Variants in PGM2 observed in about 807,000 individuals in gnomAD.
PGM2 encodes the protein phosphopentomutase.
PGM2 carries 57 observed loss-of-function variants against 74.6 expected under a neutral mutation model. The ratio of observed to expected loss-of-function variants is 0.76; its 90% CI spans 0.62 to 0.95. The LOEUF is 0.95. Ranked by LOEUF, PGM2 falls within the 40% of genes least tolerant of loss-of-function variation. PGM2 has a pLI of 0.00. For missense variants in PGM2, 706 were observed against 741.9 expected (o/e 0.95, Z 0.56); for synonymous variants, 273 against 260.7 (o/e 1.05, Z -0.46).
At chr4:37,852,210 C>T (rs1726062362) in intron 12 of PGM2, among the ~76,000 whole-genome samples, 1 of 144,194 alleles carries the variant, frequency 6.9e-6, no homozygotes, top group Admixed American at 7.3e-5. Context: ...AAGTGATCCT[C>T]CTGCCTTAGC....
At chr4:37,854,791 T>A (rs1337870966) in intron 12 of PGM2, among the ~76,000 whole-genome samples, 3 of 152,144 alleles carry the variant, frequency 2.0e-5, no homozygotes, top group Non-Finnish European at 4.4e-5. Context: ...TTTAAGTCAA[T>A]ATCTTGTGAA....
intron 13 of PGM2, among the ~76,000 whole-genome samples, chr4:37,858,513 GT>G (rs34291894): frequency 1.4e-3 from 186 of 135,016 alleles, no homozygotes; most frequent in Non-Finnish European, 1.7e-3. Context: ...ATTTTTTGGT[GT>G]TTTTTTTTTT....
At chr4:37,848,098 A>G (rs993095508) in intron 10 of PGM2, among the ~76,000 whole-genome samples, 1 of 152,236 alleles carries the variant, frequency 6.6e-6, no homozygotes, top group Non-Finnish European at 1.5e-5. Flanking sequence ...AAAGAAATGG[A>G]TGGCACTGAC....
At chr4:37,840,770 GT>G (rs1725686847) in intron 6 of PGM2, among the ~76,000 whole-genome samples, 1 of 151,990 alleles carries the variant, frequency 6.6e-6, no homozygotes, top group Admixed American at 6.6e-5. Context: ...TGGCTTTGAG[GT>G]CCACACAGAC....
intron 13 of PGM2, among the ~76,000 whole-genome samples, chr4:37,858,579 G>A (rs1214767157): frequency 6.6e-6 from 1 of 151,288 alleles, no homozygotes; most frequent in Non-Finnish European, 1.5e-5. Flanking sequence ...CGAACTCCTG[G>A]CCTCAAGTGA....
chr4:37,828,069 G>T (rs1311374690), intron 1 of PGM2, among the ~76,000 whole-genome samples: 1 of 152,056 alleles, frequency 6.6e-6, no homozygotes, highest in East Asian at 1.9e-4. Context: ...CCATTCTCTG[G>T]CCCCTACAAA....
chr4:37,846,800 A>T (rs961552862), intron 8 of PGM2, 131 bp from the exon 9 acceptor site: 114 of 689,360 alleles, frequency 1.7e-4, no homozygotes, highest in South Asian at 5.6e-4. Flanking sequence ...AAAGATGATG[A>T]ATAACAAGAA....
At chr4:37,847,343 A>G (rs1326104276) in intron 10 of PGM2, 48 bp downstream of exon 10, 1 of 1,367,690 alleles carries the variant, frequency 7.3e-7, no homozygotes, top group Non-Finnish European at 1.0e-6. Flanking sequence ...AGGCAAAAGG[A>G]AAAGGTTTGG....
At chr4:37,839,670 A>G (rs934262106) in intron 4 of PGM2, 178 bp from the exon 5 acceptor site, 1 of 694,446 alleles carries the variant, frequency 1.4e-6, no homozygotes, top group African/African-American at 1.8e-5. Flanking sequence ...ATGAGCAGCC[A>G]GTTAATTCTA....
intron 13 of PGM2, 107 bp downstream of exon 13, chr4:37,855,848 T>G (rs1026158439): frequency 1.3e-5 from 13 of 970,740 alleles, no homozygotes; most frequent in Non-Finnish European, 1.9e-5. Context: ...GTAATTTAAT[T>G]AGAAATGCTG....
At chr4:37,830,543 A>AGCCTGTTC (rs1421919259) in intron 2 of PGM2, among the ~76,000 whole-genome samples, 2 of 152,194 alleles carry the variant, frequency 1.3e-5, no homozygotes, top group Non-Finnish European at 2.9e-5. Flanking sequence ...AGTTACCAAG[A>AGCCTGTTC]GCCTGTTCTC....
chr4:37,835,618 A>G (rs1360314246), intron 3 of PGM2, among the ~76,000 whole-genome samples: 21 of 152,304 alleles, frequency 1.4e-4, no homozygotes, highest in Non-Finnish European at 7.4e-5. Flanking sequence ...AATTACACAT[A>G]TTGAATATTA....
rs545570233 is a variant in PGM2 at position 37,850,114 on chromosome 4, G to A, written c.1413-70G>A. ...TATTTATTTTAGAATACACTGGTTG[G>A]TACATGTTCTGTGTCCACCCTACAA... On this transcript the variant is annotated intron_variant, in intron 11 of 13. Transcript: ENST00000381967. The A allele has an allele frequency of 2.1e-5, 18 of 862,362 alleles. No homozygotes were observed. In the African/African-American group the frequency reaches 3.0e-4, roughly 14 times the overall value. The allele number at this position is 862,362 out of a possible 1,614,324, so 53.4% of individuals were successfully genotyped here.
At chr4:37,833,211 A>C (rs1253675099) in intron 2 of PGM2, among the ~76,000 whole-genome samples, 2 of 152,186 alleles carry the variant, frequency 1.3e-5, no homozygotes, top group Non-Finnish European at 2.9e-5. Context: ...AGGCATTCTA[A>C]ATTAGCTTGG....
intron 6 of PGM2, among the ~76,000 whole-genome samples, chr4:37,841,072 GTATATATATATATA>G (rs36127170): frequency 2.6e-5 from 3 of 113,802 alleles, no homozygotes; most frequent in Non-Finnish European, 5.0e-5. Flanking sequence ...ATATGCAAGC[GTATATATATATATA>G]TATATATATA....
chr4:37,834,339 G>GA (rs33957811), intron 2 of PGM2, among the ~76,000 whole-genome samples: 104 of 143,186 alleles, frequency 7.3e-4, no homozygotes, highest in Non-Finnish European at 7.4e-4. Flanking sequence ...CCTGTCTCTG[G>GA]AAAAAAAAAA....
Position 37,831,192 on chromosome 4 carries a change from C to CAAAAAAAAA in PGM2, c.249+1074_249+1082dup, listed in dbSNP as rs11432971. 2.2e-3 allele frequency among the ~76,000 whole-genome samples: 166 copies of CAAAAAAAAA among 73,936 alleles called. 9 individuals carry two copies. Among genetic ancestry groups the CAAAAAAAAA allele is most frequent in the East Asian group, 6.9e-3 (20 of 2,910 alleles). 48.5% of individuals were successfully genotyped at this position (73,936 alleles called of 152,430 possible). A position where few individuals can be genotyped will look rare whatever the true frequency, so the allele number is the denominator to read the frequency against. ...TGGGCAACAGAGCAAGACTCTGTCT[C>CAAAAAAAAA]AAAAAAAAAAAAAAAAAAAAAGAAT... On this transcript the variant is annotated intron_variant, in intron 2 of 13. Transcript: ENST00000381967.
chr4:37,827,688 C>G (rs1725333359), intron 1 of PGM2, among the ~76,000 whole-genome samples: 1 of 152,082 alleles, frequency 6.6e-6, no homozygotes, highest in Non-Finnish European at 1.5e-5. Flanking sequence ...ATAGCTCTTA[C>G]TACAAATGGT....
chr4:37,851,313 C>T (rs1165842071), intron 12 of PGM2, among the ~76,000 whole-genome samples: 10 of 152,246 alleles, frequency 6.6e-5, no homozygotes, highest in Non-Finnish European at 1.5e-4. Flanking sequence ...GGTACTGATG[C>T]AACTGGTCCT....
Sources: gnomAD v4.1 joint callset for allele counts (sites outside exome capture counted in the v4.1 genomes callset) on GRCh38, gnomAD v4.1.1 for gene constraint, MANE v1.5 for transcripts, NCBI Gene and HGNC (gene_info 2026-07-23, HGNC 2026-07-21) for gene names.